ELMO1: variants seen among roughly 807,000 people sequenced by gnomAD.
The protein encoded by ELMO1 is engulfment and cell motility protein 1.
A neutral mutation model predicts 98.9 loss-of-function variants in ELMO1; 26 were observed. The ratio of observed to expected loss-of-function variants is 0.26; its 90% CI spans 0.19 to 0.36. The LOEUF (loss-of-function observed/expected upper bound fraction) is 0.36. ELMO1 is among the 10% of genes least tolerant of loss of function. The pLI is 1.00. For missense variants in ELMO1, 627 were observed against 935.2 expected (o/e 0.67, Z 4.30); for synonymous variants, 346 against 346.0 (o/e 1.00, Z 0.00).
intron 7 of ELMO1, among the ~76,000 whole-genome samples, chr7:37,239,131 C>A (rs1794626026): frequency 6.6e-6 from 1 of 151,858 alleles, no homozygotes; most frequent in Non-Finnish European, 1.5e-5. Context: ...CCAGTGTAAC[C>A]TGTTATTGTT....
intron 4 of ELMO1, among the ~76,000 whole-genome samples, chr7:37,309,795 T>C (rs903757623): frequency 6.6e-6 from 1 of 152,028 alleles, no homozygotes; most frequent in African/African-American, 2.4e-5. Context: ...AGCTGGAAAA[T>C]AGGACTGCAG....
At chr7:36,928,266 G>A (rs1279407628) in intron 16 of ELMO1, among the ~76,000 whole-genome samples, 1 of 152,110 alleles carries the variant, frequency 6.6e-6, no homozygotes, top group Non-Finnish European at 1.5e-5. Flanking sequence ...CCAAGAATAG[G>A]ATTATTTTAA....
intron 16 of ELMO1, among the ~76,000 whole-genome samples, chr7:36,931,970 T>C (rs530003723): frequency 2.4e-4 from 37 of 152,362 alleles, no homozygotes; most frequent in Middle Eastern, 3.4e-3. Context: ...CTCTGCATAA[T>C]ACATTGTTTC....
intron 16 of ELMO1, among the ~76,000 whole-genome samples, chr7:36,935,073 C>G (rs6947081): frequency 6.6e-6 from 1 of 152,012 alleles, no homozygotes. Flanking sequence ...AACCCCATCT[C>G]GAATTGTAGC....
rs143068440 is a variant in ELMO1, at chr7:37,372,407, C to T, written c.-73-29644G>A. The stretch of plus-strand genomic sequence containing the variant: ...AAATGGGAATAATACTGCTATAACT[C>T]ATAGGGTTGCTGTGATGATTAAATG... On this transcript the variant is annotated intron_variant, in intron 1 of 21. Transcript: ENST00000310758. Among the ~76,000 whole-genome samples, 9 of 152,208 alleles carry T rather than the reference C, an allele frequency of 5.9e-5. 1 individual carries two copies. The highest frequency in any genetic ancestry group is 6.8e-3 in the Middle Eastern group (2 of 294).
chr7:37,295,111 T>C (rs1797966035), intron 4 of ELMO1, among the ~76,000 whole-genome samples: 1 of 152,176 alleles, frequency 6.6e-6, no homozygotes, highest in Non-Finnish European at 1.5e-5. Context: ...AAACAATTCT[T>C]GATATTATTC....
chr7:37,169,294 G>A (rs541074813), intron 13 of ELMO1, among the ~76,000 whole-genome samples: 125 of 152,286 alleles, frequency 8.2e-4, no homozygotes, highest in African/African-American at 2.2e-3. Context: ...TGCACTTCCC[G>A]AGTGAGGCAA....
At chr7:37,415,671 G>T (rs1188646888) in intron 1 of ELMO1, among the ~76,000 whole-genome samples, 1 of 152,118 alleles carries the variant, frequency 6.6e-6, no homozygotes, top group Admixed American at 6.5e-5. Context: ...ATCTGCAATT[G>T]ATACTGGAAA....
intron 13 of ELMO1, among the ~76,000 whole-genome samples, chr7:37,165,143 T>C (rs1477159979): frequency 1.3e-5 from 2 of 150,614 alleles, no homozygotes; most frequent in Non-Finnish European, 3.0e-5. Flanking sequence ...TGTTCGTCTG[T>C]TATTGGTATA....
At chr7:37,388,386 G>A (rs567361165) in intron 1 of ELMO1, among the ~76,000 whole-genome samples, 6 of 147,924 alleles carry the variant, frequency 4.1e-5, no homozygotes, top group Admixed American at 2.7e-4. Context: ...AAGTAATCCT[G>A]ACATTTATTA....
Position 37,229,682 on chromosome 7 carries a change from T to C in ELMO1, c.549+3413A>G, listed in dbSNP as rs757281816. 1.1e-4 allele frequency among the ~76,000 whole-genome samples: 16 copies of C among 152,306 alleles called. 1 individual carries two copies. Among genetic ancestry groups the C allele is most frequent in the Non-Finnish European group, 2.1e-4 (14 of 68,030 alleles). Reference sequence around the variant, plus strand: ...TGGGTTGTCAAAGTGCTGAATTTGGTCCAGCTAATGAATAAAAAAGTTAAC... The same window carrying C: ...TGGGTTGTCAAAGTGCTGAATTTGGCCCAGCTAATGAATAAAAAAGTTAAC... On this transcript the variant is annotated intron_variant, in intron 8 of 21. Coordinates refer to ENST00000310758, the MANE Select transcript of ELMO1 (RefSeq NM_014800.11).
intron 13 of ELMO1, among the ~76,000 whole-genome samples, chr7:37,147,654 CACA>C (rs1260709881): frequency 6.6e-6 from 1 of 152,136 alleles, no homozygotes; most frequent in Non-Finnish European, 1.5e-5. Flanking sequence ...TTAATATTAG[CACA>C]ACAAGAACAG....
At position 37,120,435 on chromosome 7, in the gene ELMO1, C is replaced by T. The variant is rs189769604; in HGVS notation, c.1191+12695G>A. 5.9e-5 allele frequency among the ~76,000 whole-genome samples: 9 copies of T among 152,326 alleles called. No homozygotes were observed. The South Asian group carries it at 8.3e-4, about 14-fold the overall frequency. ...TTGGGTCACTCCCACCCTAATACTG[C>T]GCTTTTCTGACGGTTTTAGCAAACG... On this transcript the variant is annotated intron_variant, in intron 14 of 21. Coordinates refer to ENST00000310758, the MANE Select transcript of ELMO1 (RefSeq NM_014800.11).
At chr7:37,135,492 T>G (rs1787208796) in intron 13 of ELMO1, among the ~76,000 whole-genome samples, 1 of 152,112 alleles carries the variant, frequency 6.6e-6, no homozygotes, top group Non-Finnish European at 1.5e-5. Flanking sequence ...CCCTGCTAAC[T>G]CCACTGAAGC....
At chr7:37,252,056 A>C (rs936373393) in intron 6 of ELMO1, among the ~76,000 whole-genome samples, 1 of 152,232 alleles carries the variant, frequency 6.6e-6, no homozygotes, top group Non-Finnish European at 1.5e-5. Flanking sequence ...GGAGAACTAC[A>C]AACTACTGCT....
intron 15 of ELMO1, among the ~76,000 whole-genome samples, chr7:37,024,571 A>C (rs1057020124): frequency 3.3e-5 from 5 of 152,176 alleles, no homozygotes; most frequent in African/African-American, 1.2e-4. Flanking sequence ...GTCATTCTAG[A>C]GTTAGGACTG....
At chr7:36,994,479 C>A (rs1210718726) in intron 16 of ELMO1, among the ~76,000 whole-genome samples, 1 of 152,240 alleles carries the variant, frequency 6.6e-6, no homozygotes, top group South Asian at 2.1e-4. Context: ...AATCCTACTG[C>A]AAACCTTAAA....
intron 1 of ELMO1, among the ~76,000 whole-genome samples, chr7:37,382,984 T>A (rs938722530): frequency 6.6e-6 from 1 of 152,224 alleles, no homozygotes; most frequent in African/African-American, 2.4e-5. Context: ...TATGAGTAAG[T>A]TGCAGATGTG....
At chr7:37,285,490 C>T (rs559598993) in intron 4 of ELMO1, among the ~76,000 whole-genome samples, 3 of 152,224 alleles carry the variant, frequency 2.0e-5, no homozygotes, top group Admixed American at 6.5e-5. Context: ...ATGTAGCCAT[C>T]GAAGTGCTGC....
Sources: gnomAD v4.1 joint callset for allele counts (sites outside exome capture counted in the v4.1 genomes callset) on GRCh38, gnomAD v4.1.1 for gene constraint, MANE v1.5 for transcripts, NCBI Gene and HGNC (gene_info 2026-07-23, HGNC 2026-07-21) for gene names.